RUFY2: variants seen among roughly 807,000 people sequenced by gnomAD.
The protein encoded by RUFY2 is RUN and FYVE domain containing 2, also known as RUN and FYVE domain-containing protein 2.
RUFY2 carries 49 observed loss-of-function variants against 94.4 expected under a neutral mutation model. The observed-to-expected ratio is 0.52, with a 90% CI of 0.41 to 0.66. The LOEUF is 0.66. Among genes scored for constraint, RUFY2 ranks in the 30% least tolerant of loss-of-function variants. The pLI is 0.00. For missense variants in RUFY2, 541 were observed against 692.8 expected (o/e 0.78, Z 2.46); for synonymous variants, 255 against 235.7 (o/e 1.08, Z -0.75).
intron 4 of RUFY2, among the ~76,000 whole-genome samples, chr10:68,396,357 C>T (rs759695152): frequency 6.6e-6 from 1 of 150,500 alleles, no homozygotes; most frequent in Non-Finnish European, 1.5e-5. Context: ...TATGGATATT[C>T]AAATTCTAAA....
At position 68,399,545 on chromosome 10, in the gene RUFY2, T is replaced by G. The variant is rs938882189; in HGVS notation, c.296+2075A>C. On this transcript the variant is annotated intron_variant, in intron 3 of 17. Coordinates refer to ENST00000602465, the MANE Select transcript of RUFY2 (RefSeq NM_001330103.2). ...AACACAGTGCTCAACAGTAGCCACT[T>G]ACTTTTATCACTCAATAAATTCCAA... 2.0e-5 allele frequency among the ~76,000 whole-genome samples: 3 copies of G among 152,250 alleles called. No individual in the cohort carries two copies. In the East Asian group the frequency reaches 5.8e-4, roughly 29 times the overall value.
chr10:68,402,275 T>C (rs1413230340), intron 2 of RUFY2, among the ~76,000 whole-genome samples: 1 of 152,152 alleles, frequency 6.6e-6, no homozygotes, highest in African/African-American at 2.4e-5. Flanking sequence ...AGAAGTTATT[T>C]TAATTTTAAA....
chr10:68,347,514 C>T (rs1035042507), intron 16 of RUFY2, among the ~76,000 whole-genome samples: 8 of 152,148 alleles, frequency 5.3e-5, no homozygotes, highest in African/African-American at 1.4e-4. Flanking sequence ...AAACTCCTGA[C>T]CTCAGGTGAT....
At position 68,401,664 on chromosome 10, in the gene RUFY2, T is replaced by C; in HGVS notation, c.252A>G (p.Glu84=). The C allele has an allele frequency of 6.2e-7, 1 of 1,614,066 alleles. No individual in the cohort carries two copies. Among genetic ancestry groups the C allele is most frequent in the Middle Eastern group, 1.6e-4 (1 of 6,062 alleles). The change falls in exon 3 of 18, where the codon GAA becomes GAG. Residue 84 remains glutamate, a synonymous_variant. Coordinates refer to ENST00000602465, the MANE Select transcript of RUFY2 (RefSeq NM_001330103.2). ...PLELVEKLYP[E]AEEIGASVRD... is the part of the protein sequence containing the mutation. ...GGACACTAGCTCCTATTTCCTCTGC[T>C]TCGGGGTACAGCTTCTCCACCAGTT...
intron 4 of RUFY2, among the ~76,000 whole-genome samples, chr10:68,394,664 C>T (rs1411833522): frequency 1.3e-5 from 2 of 149,892 alleles, no homozygotes; most frequent in African/African-American, 2.5e-5. Flanking sequence ...AAGTCTTGCT[C>T]TTTCACCCAG....
chr10:68,351,414 G>T (rs1655256493), intron 16 of RUFY2, among the ~76,000 whole-genome samples: 3 of 150,590 alleles, frequency 2.0e-5, no homozygotes, highest in Non-Finnish European at 4.4e-5. Context: ...GGGATTATAG[G>T]CGTGAGCCAC....
At chr10:68,375,463 T>C (rs1418259108) in intron 13 of RUFY2, among the ~76,000 whole-genome samples, 1 of 150,826 alleles carries the variant, frequency 6.6e-6, no homozygotes. Flanking sequence ...AAACCTAAAA[T>C]AAAAGTTAAA....
rs3998865 is a variant in RUFY2, at chr10:68,346,031, C to T, written c.1653G>A (p.Lys551=). The change falls in exon 17 of 18, where the codon AAG becomes AAA. Residue 551 remains lysine (K), a synonymous_variant. Coordinates refer to ENST00000602465, the MANE Select transcript of RUFY2 (RefSeq NM_001330103.2). The stretch of plus-strand genomic sequence containing the variant: ...CCTTTCTCTTAGAGAGTGAGAATTC[C>T]TTTTCACAAAGTTTACAATGTGTTG... The part of the protein sequence containing the change: ...KEATHCKLCE[K]EFSLSKRKHH... 5 of 1,613,656 alleles carry T rather than the reference C, an allele frequency of 3.1e-6. No individual in the cohort carries two copies. Among genetic ancestry groups the T allele is most frequent in the Non-Finnish European group, 3.4e-6 (4 of 1,179,898 alleles).
intron 3 of RUFY2, among the ~76,000 whole-genome samples, chr10:68,401,125 A>G (rs1246472816): frequency 3.3e-5 from 5 of 152,248 alleles, no homozygotes; most frequent in African/African-American, 9.6e-5. Context: ...GACATTTTAC[A>G]TACATTTGTC....
At chr10:68,379,062 G>A (rs2048850270) in intron 12 of RUFY2, 1 of 270,358 alleles carries the variant, frequency 3.7e-6, no homozygotes, top group Admixed American at 5.1e-5. Flanking sequence ...GAATGGCAAA[G>A]AATATGACAA....
intron 11 of RUFY2, among the ~76,000 whole-genome samples, chr10:68,380,990 T>C (rs1413988408): frequency 6.6e-6 from 1 of 152,216 alleles, no homozygotes; most frequent in Non-Finnish European, 1.5e-5. Flanking sequence ...TTGAGAGTTT[T>C]CCCAAAAGAT....
At chr10:68,361,961 A>T (rs948518851) in intron 15 of RUFY2, among the ~76,000 whole-genome samples, 4 of 152,124 alleles carry the variant, frequency 2.6e-5, no homozygotes, top group Non-Finnish European at 4.4e-5. Flanking sequence ...ATCACATAAA[A>T]CATCAAAGAG....
intron 4 of RUFY2, among the ~76,000 whole-genome samples, chr10:68,396,205 G>A (rs1037591733): frequency 2.6e-5 from 4 of 151,960 alleles, no homozygotes; most frequent in African/African-American, 9.7e-5. Flanking sequence ...CACCACGTTG[G>A]TCTCGAACTC....
chr10:68,345,536 C>CTT lies in RUFY2; in HGVS notation c.*230_*231dup. On this transcript the variant is annotated 3_prime_UTR_variant, in exon 18 of 18. Transcript: ENST00000602465. ...AGTTGTGTTAGCTCTGCTCTCTGGC[C>CTT]TTTTAATGAGTTACATGATTTTTAA... is the stretch of plus-strand genomic sequence containing the variant. The CTT allele has an allele frequency of 2.1e-6, 1 of 475,870 alleles. No individual in the cohort carries two copies. The highest frequency in any genetic ancestry group is 3.7e-6 in the Non-Finnish European group (1 of 272,214). 29.5% of individuals were successfully genotyped at this position (475,870 alleles called of 1,614,324 possible). A position where few individuals can be genotyped will look rare whatever the true frequency, so the allele number is the denominator to read the frequency against.
intron 4 of RUFY2, among the ~76,000 whole-genome samples, chr10:68,394,867 GGT>G (rs950493484): frequency 6.6e-6 from 1 of 151,770 alleles, no homozygotes; most frequent in Non-Finnish European, 1.5e-5. Flanking sequence ...CTGACCTCAT[GGT>G]CCGCGGGCCT....
chr10:68,375,258 T>C (rs2048547576), intron 13 of RUFY2, among the ~76,000 whole-genome samples: 1 of 129,624 alleles, frequency 7.7e-6, no homozygotes, highest in Non-Finnish European at 1.5e-5. Flanking sequence ...GGGAGCTAAA[T>C]GATAAGAACT....
intron 2 of RUFY2, among the ~76,000 whole-genome samples, chr10:68,403,109 G>A (rs2050987461): frequency 6.7e-6 from 1 of 149,268 alleles, no homozygotes; most frequent in African/African-American, 2.5e-5. Context: ...GCCTCCCAAA[G>A]TCCTGAGATT....
chr10:68,358,435 A>C (rs2047205138), intron 15 of RUFY2, among the ~76,000 whole-genome samples: 1 of 152,178 alleles, frequency 6.6e-6, no homozygotes, highest in Non-Finnish European at 1.5e-5. Flanking sequence ...AATCAATGTA[A>C]AACTACACAC....
chr10:68,384,290 C>A, intron 8 of RUFY2, 138 bp from the exon 9 acceptor site: 1 of 1,171,402 alleles, frequency 8.5e-7, no homozygotes, highest in Non-Finnish European at 1.1e-6. Context: ...CAGAAACGTT[C>A]ATAAGGAAAA....
Sources: allele counts gnomAD v4.1 joint callset (sites outside exome capture counted in the v4.1 genomes callset), GRCh38; gene constraint gnomAD v4.1.1; transcripts MANE v1.5; gene names NCBI Gene and HGNC (gene_info 2026-07-23, HGNC 2026-07-21).